TRAP1: variants seen among roughly 807,000 people sequenced by gnomAD.
TRAP1 encodes the protein heat shock protein 75 kDa, mitochondrial.
In TRAP1, 102 loss-of-function variants were observed where a neutral mutation model predicts 89.1. The ratio of observed to expected loss-of-function variants is 1.15; its 90% CI spans 0.98 to 1.35. The LOEUF (loss-of-function observed/expected upper bound fraction) is 1.35. TRAP1 is among the 40% of genes most tolerant of loss of function. The pLI is 0.00. For missense variants in TRAP1, 1,256 were observed against 945.3 expected (o/e 1.33, Z -4.31); for synonymous variants, 508 against 388.0 (o/e 1.31, Z -3.64).
rs13926 is a variant in TRAP1 at position 3,674,464 on chromosome 16, G to C, written c.919C>G (p.Arg307Gly). ...AIWMMDPKDV[R>G]EWQHEEFYRY... ...TAGAACTCCTCATGTTGCCACTCAC[G>C]GACATCCTTGGGGTCCATCATCCAG... Residue 307 changes from arginine to glycine, a missense_variant, in exon 9 of 18, where the codon CGT becomes GGT. Transcript: ENST00000246957. 0.42 allele frequency: 681,819 copies of C among 1,613,540 alleles called. 149,092 individuals carry two copies. Among genetic ancestry groups the C allele is most frequent in the South Asian group, 0.52 (47,430 of 91,070 alleles).
At chr16:3,675,289 T>C in intron 8 of TRAP1, 35 bp downstream of exon 8, 3 of 1,605,172 alleles carry the variant, frequency 1.9e-6, no homozygotes, top group Non-Finnish European at 2.6e-6. Flanking sequence ...TTTGTCTCCA[T>C]GTTTGACCAG....
intron 1 of TRAP1, among the ~76,000 whole-genome samples, chr16:3,714,130 T>C (rs926880541): frequency 1.3e-5 from 2 of 152,128 alleles, no homozygotes; most frequent in Non-Finnish European, 2.9e-5. Flanking sequence ...AAATCGCTCC[T>C]CATCTGTGAA....
chr16:3,680,479 A>C (rs2051060385), intron 4 of TRAP1, among the ~76,000 whole-genome samples: 1 of 152,254 alleles, frequency 6.6e-6, no homozygotes, highest in Admixed American at 6.5e-5. Context: ...TCAATCCAGC[A>C]GAATGATCTG....
intron 1 of TRAP1, among the ~76,000 whole-genome samples, chr16:3,709,997 C>T (rs1252340192): frequency 6.6e-6 from 1 of 152,168 alleles, no homozygotes; most frequent in African/African-American, 2.4e-5. Flanking sequence ...GACCTGTATT[C>T]CCTCACAAAT....
At chr16:3,675,224 C>T (rs2050972865) in intron 8 of TRAP1, 100 bp downstream of exon 8, 7 of 1,195,000 alleles carry the variant, frequency 5.9e-6, no homozygotes, top group Admixed American at 5.8e-5. Flanking sequence ...CGCCCTGTGA[C>T]TCTGGGCCGC....
intron 1 of TRAP1, among the ~76,000 whole-genome samples, chr16:3,694,237 G>A (rs541292118): frequency 6.6e-6 from 1 of 152,222 alleles, no homozygotes; most frequent in African/African-American, 2.4e-5. Flanking sequence ...GAATACTGGA[G>A]TTAGGCCCCA....
rs116729116 is a variant in TRAP1 at position 3,674,503 on chromosome 16, G to A, written c.889-9C>T. ...TCCATCATCCAGATGGCCTGGAAAC[G>A]GAGATCGGCGGGGAGGGCGTCGTGT... On this transcript the variant is annotated splice_polypyrimidine_tract_variant and intron_variant, in intron 8 of 17. Coordinates refer to ENST00000246957, the MANE Select transcript of TRAP1 (RefSeq NM_016292.3). 1,535 of 1,613,414 alleles carry A rather than the reference G, an allele frequency of 9.5e-4. 18 individuals carry two copies. The highest frequency in any genetic ancestry group is 7.3e-3 in the African/African-American group (545 of 75,042).
intron 17 of TRAP1, 86 bp from the exon 18 acceptor site, chr16:3,658,316 CG>C: frequency 8.8e-7 from 1 of 1,132,420 alleles, no homozygotes; most frequent in Non-Finnish European, 1.3e-6. Context: ...TCACTGTTGC[CG>C]AGGCTGGAGT....
intron 3 of TRAP1, 144 bp from the exon 4 acceptor site, chr16:3,686,280 A>G (rs542075827): frequency 2.0e-6 from 2 of 1,004,794 alleles, no homozygotes; most frequent in East Asian, 5.4e-5. Flanking sequence ...GCTTTAGTCA[A>G]AGGCAGTTCC....
rs1488900343 is a variant in TRAP1, at chr16:3,700,982, C to CA, written c.89-9998dup. On this transcript the variant is annotated intron_variant, in intron 1 of 17. Transcript: ENST00000246957. ...ACATCGATATTTACTCTTACATTAA[C>CA]AGACTGAACTCTAATTATAAGGCAA... Among the ~76,000 whole-genome samples the CA allele has an allele frequency of 2.0e-5, 3 of 152,244 alleles. No homozygotes were observed. The East Asian group carries it at 5.8e-4, about 29-fold the overall frequency.
intron 7 of TRAP1, 65 bp from the exon 8 acceptor site, chr16:3,675,462 C>T (rs1323957017): frequency 3.3e-6 from 5 of 1,528,850 alleles, no homozygotes; most frequent in African/African-American, 1.4e-5. Context: ...AGCTTTGCAG[C>T]AGCTCCAGGA....
intron 11 of TRAP1, 26 bp from the exon 12 acceptor site, chr16:3,666,144 C>T (rs138025530): frequency 1.2e-6 from 2 of 1,602,194 alleles, no homozygotes; most frequent in East Asian, 2.2e-5. Context: ...GCATTTAATA[C>T]ATACAAGCAG....
chr16:3,659,653 C>T lies in TRAP1; in HGVS notation c.1941-788G>A, dbSNP rs118140825. Reference sequence around the variant, plus strand: ...GAACTGTAAATTTGTACAACCTCTCCAGAGGACAACTGGAGTCGGGAAAAC... The same window carrying T: ...GAACTGTAAATTTGTACAACCTCTCTAGAGGACAACTGGAGTCGGGAAAAC... On this transcript the variant is annotated intron_variant, in intron 16 of 17. Transcript: ENST00000246957. 5 of 152,242 alleles carry T rather than the reference C, an allele frequency of 3.3e-5. No homozygotes were observed. The East Asian group carries it at 9.6e-4, about 29-fold the overall frequency. 9.4% of individuals were successfully genotyped at this position (152,242 alleles called of 1,614,324 possible).
chr16:3,684,018 T>C (rs764577687), intron 4 of TRAP1, among the ~76,000 whole-genome samples: 94 of 151,724 alleles, frequency 6.2e-4, no homozygotes, highest in Non-Finnish European at 1.2e-3. Flanking sequence ...ATACAAAAAT[T>C]AGCCGGGTGT....
chr16:3,715,586 G>C (rs2051587800), intron 1 of TRAP1, among the ~76,000 whole-genome samples: 1 of 152,046 alleles, frequency 6.6e-6, no homozygotes, highest in African/African-American at 2.4e-5. Flanking sequence ...AAACGACAAA[G>C]AGAAAAAATC....
intron 11 of TRAP1, among the ~76,000 whole-genome samples, chr16:3,668,916 C>T (rs866731999): frequency 3.3e-5 from 5 of 152,208 alleles, no homozygotes; most frequent in East Asian, 1.9e-4. Flanking sequence ...GGAACGCAGC[C>T]GCCTCGGCCC....
At chr16:3,713,611 C>T (rs967982983) in intron 1 of TRAP1, among the ~76,000 whole-genome samples, 1 of 152,374 alleles carries the variant, frequency 6.6e-6, no homozygotes, top group East Asian at 1.9e-4. Flanking sequence ...ACAAGAGCAT[C>T]TGGCATGACC....
chr16:3,664,248 G>A, intron 13 of TRAP1, 26 bp downstream of exon 13: 1 of 1,533,240 alleles, frequency 6.5e-7, no homozygotes, highest in Non-Finnish European at 8.8e-7. Flanking sequence ...AGCCCCCGGA[G>A]CCCGCCCCAC....
chr16:3,699,338 T>G (rs2151276288), intron 1 of TRAP1, among the ~76,000 whole-genome samples: 1 of 152,248 alleles, frequency 6.6e-6, no homozygotes, highest in African/African-American at 2.4e-5. Context: ...TGCTGCCCAT[T>G]TAAAAAAATT....
Sources: gnomAD v4.1 joint callset for allele counts (sites outside exome capture counted in the v4.1 genomes callset) on GRCh38, gnomAD v4.1.1 for gene constraint, MANE v1.5 for transcripts, NCBI Gene and HGNC (gene_info 2026-07-23, HGNC 2026-07-21) for gene names.